Variants in MEIKIN observed in about 807,000 individuals in gnomAD.
The protein encoded by MEIKIN is meiosis-specific kinetochore protein.
chr5:131,847,095 C>CA lies in MEIKIN; in HGVS notation c.975+4168dup, dbSNP rs200212146. On this transcript the variant is annotated intron_variant, in intron 11 of 12. Transcript: ENST00000442687. ...AGAAATAAATTCAAATATTTCACTA[C>CA]AAAAAATCAATTAACCACAAAAGAA... is the stretch of plus-strand genomic sequence containing the variant. Among the ~76,000 whole-genome samples the CA allele has an allele frequency of 9.7e-3, 1,464 of 151,704 alleles. 23 individuals carry two copies. The highest frequency in any genetic ancestry group is 0.033 in the African/African-American group (1,359 of 41,318).
intron 9 of MEIKIN, among the ~76,000 whole-genome samples, chr5:131,865,225 T>TG (rs1491339533): frequency 1.4e-4 from 1 of 7,396 alleles, no homozygotes; most frequent in Non-Finnish European, 4.0e-4. Flanking sequence ...GATTTTGTGA[T>TG]TTTTTTTTTT....
chr5:131,826,085 T>C (rs1370708019), intron 11 of MEIKIN, among the ~76,000 whole-genome samples: 1 of 130,462 alleles, frequency 7.7e-6, no homozygotes, highest in South Asian at 2.7e-4. Flanking sequence ...TTTCTTGTTT[T>C]CTTTTTTTTT....
intron 11 of MEIKIN, among the ~76,000 whole-genome samples, chr5:131,824,287 G>A (rs1447092571): frequency 6.6e-6 from 1 of 152,046 alleles, no homozygotes; most frequent in East Asian, 1.9e-4. Context: ...GGCCAAAGTG[G>A]GAGGATCACT....
intron 11 of MEIKIN, among the ~76,000 whole-genome samples, chr5:131,844,139 T>G (rs1033622477): frequency 6.6e-6 from 1 of 152,106 alleles, no homozygotes; most frequent in Admixed American, 6.5e-5. Flanking sequence ...ATTCACTCAC[T>G]GTCACAAGAA....
chr5:131,838,749 T>A (rs1161201906), intron 11 of MEIKIN, among the ~76,000 whole-genome samples: 3 of 152,138 alleles, frequency 2.0e-5, no homozygotes, highest in African/African-American at 7.2e-5. Flanking sequence ...CTCTTTTCTC[T>A]TTATTAGTCT....
chr5:131,945,246 G>C lies in MEIKIN; in HGVS notation c.110C>G (p.Ser37Trp), dbSNP rs59867664. The C allele has an allele frequency of 1.0e-5, 4 of 399,108 alleles. No homozygotes were observed. The East Asian group carries it at 1.4e-4, about 14-fold the overall frequency. 24.7% of individuals were successfully genotyped at this position (399,108 alleles called of 1,614,324 possible). A position where few individuals can be genotyped will look rare whatever the true frequency, so the allele number is the denominator to read the frequency against. Residue 37 changes from serine to tryptophan, a missense_variant, in exon 2 of 13, where the codon TCG becomes TGG. Transcript: ENST00000442687. ...GCCGTGCACTTTGCCTTTTCTCTTC[G>C]AACCTGAGAGAGGGCGGCACGTTTC... The part of the protein sequence containing the change: ...SPAKAEAPPG[S>W]KRKGKVHGLS...
chr5:131,887,367 C>T (rs1202472635), intron 8 of MEIKIN, among the ~76,000 whole-genome samples: 4 of 152,062 alleles, frequency 2.6e-5, no homozygotes, highest in African/African-American at 9.7e-5. Context: ...GTAAGGGGAC[C>T]ACTGGGTCAA....
chr5:131,865,467 C>T (rs1580878888), intron 9 of MEIKIN, among the ~76,000 whole-genome samples: 1 of 152,360 alleles, frequency 6.6e-6, no homozygotes, highest in South Asian at 2.1e-4. Context: ...GTTCCGCCCA[C>T]CTGGGCCTCC....
At position 131,807,180 on chromosome 5, in the gene MEIKIN, C is replaced by A; in HGVS notation, c.*56G>T. 2.5e-6 allele frequency: 1 copy of A among 398,474 alleles called. No individual in the cohort carries two copies. The highest frequency in any genetic ancestry group is 4.4e-6 in the Non-Finnish European group (1 of 226,014). The allele number at this position is 398,474 out of a possible 1,614,324, so 24.7% of individuals were successfully genotyped here. A position where few individuals can be genotyped will look rare whatever the true frequency, so the allele number is the denominator to read the frequency against. ...TCAGGCAGACATTCTGCTTTATAGA[C>A]TTTGACTTCACACTCCTGTCTTCAA... is the stretch of plus-strand genomic sequence containing the variant. On this transcript the variant is annotated 3_prime_UTR_variant, in exon 13 of 13. Transcript: ENST00000442687.
intron 11 of MEIKIN, among the ~76,000 whole-genome samples, chr5:131,833,087 T>G (rs965863456): frequency 6.6e-6 from 1 of 152,228 alleles, no homozygotes; most frequent in Non-Finnish European, 1.5e-5. Context: ...TCTATCAAAC[T>G]GTAAGGCTGC....
chr5:131,898,176 T>A lies in MEIKIN; in HGVS notation c.703+13639A>T, dbSNP rs142810588. Among the ~76,000 whole-genome samples, 481 of 152,358 alleles carry A rather than the reference T, an allele frequency of 3.2e-3. 2 individuals carry two copies. The highest frequency in any genetic ancestry group is 0.011 in the African/African-American group (459 of 41,594). On this transcript the variant is annotated intron_variant, in intron 8 of 12. Coordinates refer to ENST00000442687, the MANE Select transcript of MEIKIN (RefSeq NM_001303622.2). ...CAGTCAGGTCCCTCAGCTGCAGGTC[T>A]GCTGGAGTTTGCTGGAGGTCCACCT...
chr5:131,895,864 G>GT (rs1342274167), intron 8 of MEIKIN, among the ~76,000 whole-genome samples: 8 of 152,102 alleles, frequency 5.3e-5, no homozygotes, highest in African/African-American at 1.7e-4. Flanking sequence ...TTTTTGAAGG[G>GT]TTTTTTGTGT....
chr5:131,870,301 C>A (rs1750464735), intron 9 of MEIKIN, among the ~76,000 whole-genome samples: 1 of 152,124 alleles, frequency 6.6e-6, no homozygotes, highest in South Asian at 2.1e-4. Context: ...CAGCATTCAA[C>A]ACTGTTGACC....
intron 8 of MEIKIN, among the ~76,000 whole-genome samples, chr5:131,887,045 T>C (rs908803039): frequency 1.3e-5 from 2 of 148,158 alleles, no homozygotes; most frequent in Admixed American, 6.9e-5. Flanking sequence ...AGTGTTCTCA[T>C]TGTTCAATTC....
At chr5:131,854,632 C>T (rs2149616431) in intron 10 of MEIKIN, 122 bp downstream of exon 10, 1 of 390,406 alleles carries the variant, frequency 2.6e-6, no homozygotes, top group East Asian at 3.6e-5. Context: ...TGTGCTTAAG[C>T]AACAGAAAAA....
intron 9 of MEIKIN, among the ~76,000 whole-genome samples, chr5:131,875,396 G>T (rs572226564): frequency 5.9e-5 from 9 of 152,078 alleles, no homozygotes; most frequent in East Asian, 1.9e-4. Flanking sequence ...CATTCACAAT[G>T]GCTTCAAAGA....
intron 9 of MEIKIN, among the ~76,000 whole-genome samples, chr5:131,875,435 A>G (rs959969184): frequency 2.6e-5 from 4 of 152,098 alleles, no homozygotes; most frequent in African/African-American, 9.7e-5. Flanking sequence ...TCCAACTTAC[A>G]AGGGACGTGA....
intron 9 of MEIKIN, among the ~76,000 whole-genome samples, chr5:131,857,519 C>T (rs1750215722): frequency 6.6e-6 from 1 of 152,300 alleles, no homozygotes; most frequent in South Asian, 2.1e-4. Context: ...CTGCCAGCCT[C>T]TCCTGGGGCC....
chr5:131,892,971 G>A (rs534468636), intron 8 of MEIKIN, among the ~76,000 whole-genome samples: 116 of 152,288 alleles, frequency 7.6e-4, no homozygotes, highest in African/African-American at 2.6e-3. Flanking sequence ...GGAGTTTGCT[G>A]GAGGTTCACT....
Sources: allele counts gnomAD v4.1 joint callset (sites outside exome capture counted in the v4.1 genomes callset), GRCh38; gene constraint gnomAD v4.1.1; transcripts MANE v1.5; gene names NCBI Gene and HGNC (gene_info 2026-07-23, HGNC 2026-07-21).